TMEM17: variants seen among roughly 807,000 people sequenced by gnomAD.
The protein encoded by TMEM17 is transmembrane protein 17.
TMEM17 carries 15 observed loss-of-function variants against 19.1 expected under a neutral mutation model. The observed-to-expected ratio is 0.78, with a 90% CI of 0.52 to 1.21. TMEM17 has a LOEUF of 1.21. Among genes scored for constraint, TMEM17 ranks in the 50% most tolerant of loss-of-function variants. TMEM17 has a pLI of 0.00. For synonymous variants in TMEM17, 103 were observed against 86.9 expected, an observed-to-expected ratio of 1.19 and a Z score of -1.03; for missense variants, 245 against 242.3, an observed-to-expected ratio of 1.01 and a Z score of -0.07.
At chr2:62,473,078 G>C in the TMEM17 span, among the ~76,000 whole-genome samples, 3 of 152,232 alleles carry the variant, frequency 2.0e-5, no homozygotes, top group African/African-American at 7.2e-5. Flanking sequence ...AAATCAGGTG[G>C]CTTCTCACCT....
intron 3 of TMEM17, chr2:62,501,956 G>C (rs1042498334): frequency 6.1e-6 from 1 of 163,842 alleles, no homozygotes; most frequent in Non-Finnish European, 1.3e-5. Context: ...TTATTATGAA[G>C]GGCCTAGAAA....
At chr2:62,463,153 CTG>C in the TMEM17 span, 1 of 152,430 alleles carries the variant, frequency 6.6e-6, no homozygotes, top group South Asian at 2.1e-4. Flanking sequence ...CCTCCAGAAA[CTG>C]TGTGTCTGGG....
At chr2:62,480,953 A>C in the TMEM17 span, among the ~76,000 whole-genome samples, 1 of 151,992 alleles carries the variant, frequency 6.6e-6, no homozygotes, top group Admixed American at 6.5e-5. Context: ...TCTGTGGAGT[A>C]TGTCATTGGT....
the TMEM17 span, among the ~76,000 whole-genome samples, chr2:62,481,517 A>G: frequency 1.4e-4 from 22 of 152,144 alleles, no homozygotes; most frequent in Non-Finnish European, 3.1e-4. Flanking sequence ...TCTAGTTCTT[A>G]GCAAAAAAAC....
At chr2:62,485,608 A>G in the TMEM17 span, among the ~76,000 whole-genome samples, 11 of 152,352 alleles carry the variant, frequency 7.2e-5, no homozygotes, top group Admixed American at 5.2e-4. Context: ...AGCTTTTAAT[A>G]TAAGATACAG....
chr2:62,462,286 A>G, the TMEM17 span, among the ~76,000 whole-genome samples: 4 of 152,166 alleles, frequency 2.6e-5, no homozygotes, highest in African/African-American at 9.7e-5. Context: ...AAAGTAAGTA[A>G]AGATGAATGA....
At chr2:62,503,546 C>G (rs1181431069) in intron 1 of TMEM17, among the ~76,000 whole-genome samples, 1 of 152,228 alleles carries the variant, frequency 6.6e-6, no homozygotes, top group East Asian at 1.9e-4. Context: ...CTTTGAGCTT[C>G]TATTTCTTCA....
downstream of TMEM17, among the ~76,000 whole-genome samples, chr2:62,497,355 C>G (rs1679802578): frequency 6.6e-6 from 1 of 152,172 alleles, no homozygotes; most frequent in African/African-American, 2.4e-5. Context: ...AAATTAAAGA[C>G]AGAATATATT....
At chr2:62,466,301 C>T in the TMEM17 span, among the ~76,000 whole-genome samples, 1 of 152,124 alleles carries the variant, frequency 6.6e-6, no homozygotes, top group Non-Finnish European at 1.5e-5. Flanking sequence ...GCGGAACCTT[C>T]CTGCAGGGGC....
the TMEM17 span, among the ~76,000 whole-genome samples, chr2:62,483,165 T>C: frequency 6.6e-6 from 1 of 152,190 alleles, no homozygotes; most frequent in Non-Finnish European, 1.5e-5. Context: ...TGTAGGCTCT[T>C]AACTGCTGCA....
the TMEM17 span, among the ~76,000 whole-genome samples, chr2:62,484,787 C>G: frequency 2.0e-5 from 3 of 152,112 alleles, no homozygotes; most frequent in Non-Finnish European, 2.9e-5. Context: ...CCTGTTTTTA[C>G]TCCTGTTTTC....
the TMEM17 span, among the ~76,000 whole-genome samples, chr2:62,468,451 C>T: frequency 6.6e-6 from 1 of 152,222 alleles, no homozygotes; most frequent in Non-Finnish European, 1.5e-5. Context: ...TCTTTGGCCC[C>T]TTAAAATATC....
the TMEM17 span, among the ~76,000 whole-genome samples, chr2:62,464,246 A>C: frequency 3.3e-5 from 5 of 152,252 alleles, no homozygotes; most frequent in African/African-American, 1.2e-4. Flanking sequence ...GTCTGTGGAC[A>C]GCAGAGCTAA....
At chr2:62,476,207 ATGT>A in the TMEM17 span, among the ~76,000 whole-genome samples, 10,423 of 152,178 alleles carry the variant, frequency 0.068, 1,214 homozygotes, top group African/African-American at 0.24. Context: ...TTTTCTATGT[ATGT>A]TGTTGCAGAA....
the TMEM17 span, among the ~76,000 whole-genome samples, chr2:62,479,972 T>G: frequency 6.6e-6 from 1 of 152,110 alleles, no homozygotes; most frequent in East Asian, 1.9e-4. Flanking sequence ...TATTTGTAGT[T>G]TTTTGAGGAA....
At chr2:62,486,614 C>T in the TMEM17 span, among the ~76,000 whole-genome samples, 1 of 152,094 alleles carries the variant, frequency 6.6e-6, no homozygotes, top group East Asian at 1.9e-4. Flanking sequence ...CCAACTCCTG[C>T]TAACAGGGAA....
the TMEM17 span, among the ~76,000 whole-genome samples, chr2:62,454,253 A>C: frequency 6.6e-6 from 1 of 152,146 alleles, no homozygotes; most frequent in Non-Finnish European, 1.5e-5. Flanking sequence ...AGAGGAGGGG[A>C]ATGCAGTGTC....
chr2:62,473,964 G>T, the TMEM17 span, among the ~76,000 whole-genome samples: 1 of 152,096 alleles, frequency 6.6e-6, no homozygotes, highest in Non-Finnish European at 1.5e-5. Context: ...GAACAGAGAC[G>T]AGAAGGACTC....
chr2:62,490,466 G>T, the TMEM17 span, among the ~76,000 whole-genome samples: 4,049 of 152,100 alleles, frequency 0.027, 81 homozygotes, highest in Non-Finnish European at 0.038. Flanking sequence ...GTCTCACTAT[G>T]TTGCCAGGCT....
Sources: allele counts gnomAD v4.1 joint callset (sites outside exome capture counted in the v4.1 genomes callset), GRCh38; gene constraint gnomAD v4.1.1; transcripts MANE v1.5; gene names NCBI Gene and HGNC (gene_info 2026-07-23, HGNC 2026-07-21).